Variants in MED21 observed in about 807,000 individuals in gnomAD.
MED21 encodes the protein mediator complex subunit 21, also known as mediator of RNA polymerase II transcription subunit 21.
MED21 carries 9 observed loss-of-function variants against 18.2 expected under a neutral mutation model. The observed-to-expected ratio is 0.49, with a 90% CI of 0.30 to 0.86. MED21 has a LOEUF of 0.86. MED21 is among the 40% of genes least tolerant of loss of function. The probability of loss-of-function intolerance (pLI) is 0.07; values close to 1 mark genes in which losing one functional copy is unlikely to be tolerated. For synonymous variants in MED21, 73 were observed against 60.5 expected, an observed-to-expected ratio of 1.21 and a Z score of -0.96; for missense variants, 150 against 170.9, an observed-to-expected ratio of 0.88 and a Z score of 0.68.
intron 1 of MED21, among the ~76,000 whole-genome samples, chr12:27,024,520 A>G (rs556657119): frequency 6.6e-6 from 1 of 152,150 alleles, no homozygotes; most frequent in Non-Finnish European, 1.5e-5. Context: ...TCAGGGAACT[A>G]CTCCTTTGAG....
chr12:27,027,188 A>G (rs1010717813), intron 2 of MED21, among the ~76,000 whole-genome samples, 159 bp from the exon 3 acceptor site: 1 of 152,190 alleles, frequency 6.6e-6, no homozygotes, highest in Non-Finnish European at 1.5e-5. Context: ...TGGCCTCCCA[A>G]AGTGCTGGGA....
At chr12:27,022,959 CTCTT>C (rs1941492725) in intron 1 of MED21, 1 of 1,126,932 alleles carries the variant, frequency 8.9e-7, no homozygotes, top group Non-Finnish European at 1.1e-6. Context: ...CTTACGGGTT[CTCTT>C]TCTTTTGGGG....
At chr12:27,023,219 C>T (rs1388234867) in intron 1 of MED21, among the ~76,000 whole-genome samples, 1 of 151,300 alleles carries the variant, frequency 6.6e-6, no homozygotes, top group African/African-American at 2.4e-5. Context: ...CCTCAGAATA[C>T]ATCAGTTTGG....
At position 27,023,047 on chromosome 12, in the gene MED21, A is replaced by G. The variant is rs1448653108; in HGVS notation, c.42+426A>G. Among the ~76,000 whole-genome samples, 4 of 151,932 alleles carry G rather than the reference A, an allele frequency of 2.6e-5. No individual in the cohort carries two copies. In the South Asian group the frequency reaches 6.2e-4, roughly 24 times the overall value. Reference sequence around the variant, plus strand: ...CACCAAGGGAGATCTCATGCTCTGGATGACTGGGTTTTTGTAATGAAATGT... The same window carrying G: ...CACCAAGGGAGATCTCATGCTCTGGGTGACTGGGTTTTTGTAATGAAATGT... On this transcript the variant is annotated intron_variant, in intron 1 of 3. Transcript: ENST00000282892.
intron 2 of MED21, chr12:27,037,242 G>A (rs1254424347): frequency 1.3e-5 from 2 of 151,410 alleles, no homozygotes; most frequent in Non-Finnish European, 3.0e-5. Context: ...CTCTCTGTTT[G>A]TCTGTTATCG....
Position 27,028,519 on chromosome 12 carries a change from G to A in MED21, c.*58G>A, listed in dbSNP as rs567433509. On this transcript the variant is annotated 3_prime_UTR_variant, in exon 4 of 4. Transcript: ENST00000282892. The stretch of plus-strand genomic sequence containing the variant: ...CTGTTTGAGTGCCATTAAGAATTCT[G>A]CATCAGACTTAGATACAAGCCTTAC... 1 of 1,563,582 alleles carries A rather than the reference G, an allele frequency of 6.4e-7. No homozygotes were observed. Among genetic ancestry groups the A allele is most frequent in the Non-Finnish European group, 8.7e-7 (1 of 1,150,086 alleles).
At chr12:27,036,982 C>G (rs1477151091) in intron 2 of MED21, 1 of 152,124 alleles carries the variant, frequency 6.6e-6, no homozygotes, top group Non-Finnish European at 1.5e-5. Context: ...TGAAGAAAGG[C>G]ATTGGTAGCT....
At chr12:27,027,875 G>T (rs1036326235) in intron 3 of MED21, among the ~76,000 whole-genome samples, 1 of 152,116 alleles carries the variant, frequency 6.6e-6, no homozygotes, top group East Asian at 1.9e-4. Context: ...TCACATTGGG[G>T]ATTAGATTTT....
chr12:27,032,344 T>C (rs550410408), downstream of MED21, among the ~76,000 whole-genome samples: 2 of 152,340 alleles, frequency 1.3e-5, no homozygotes, highest in South Asian at 4.1e-4. Flanking sequence ...ACTTGGTAGC[T>C]AAGACCCTTC....
chr12:27,022,808 T>C, intron 1 of MED21, 187 bp downstream of exon 1: 1 of 1,512,758 alleles, frequency 6.6e-7, no homozygotes, highest in Non-Finnish European at 8.8e-7. Flanking sequence ...CGGGCGGTGC[T>C]TGAAGGTGCG....
At chr12:27,030,888 C>T (rs144822097), downstream of MED21, 1,825 of 152,318 alleles carry the variant, frequency 0.012, 16 homozygotes, top group Middle Eastern at 0.048. Context: ...TCCTAACTCC[C>T]GTCATCTTCA....
chr12:27,029,838 TA>T lies in MED21; in HGVS notation c.*1380del. On this transcript the variant is annotated 3_prime_UTR_variant, in exon 4 of 4. Transcript: ENST00000282892. Reference sequence around the variant, plus strand: ...ACTTATTCAAAGTACCTAAGTATTATAAAGGAGTCAAAAAGGTACAAAGAGA... The same window carrying T: ...ACTTATTCAAAGTACCTAAGTATTATAAGGAGTCAAAAAGGTACAAAGAGA... 1.0e-6 allele frequency: 1 copy of T among 1,004,556 alleles called. No homozygotes were observed. Among genetic ancestry groups the T allele is most frequent in the Non-Finnish European group, 1.2e-6 (1 of 840,470 alleles). 62.2% of individuals were successfully genotyped at this position (1,004,556 alleles called of 1,614,324 possible). A position where few individuals can be genotyped will look rare whatever the true frequency, so the allele number is the denominator to read the frequency against.
At chr12:27,033,599 C>G (rs1941632599), downstream of MED21, among the ~76,000 whole-genome samples, 1 of 152,172 alleles carries the variant, frequency 6.6e-6, no homozygotes, top group Non-Finnish European at 1.5e-5. Flanking sequence ...CATGGACTCT[C>G]ATTGATAGCC....
At chr12:27,034,538 C>T (rs371978765), downstream of MED21, among the ~76,000 whole-genome samples, 1 of 152,196 alleles carries the variant, frequency 6.6e-6, no homozygotes, top group African/African-American at 2.4e-5. Context: ...TGTTGACCTC[C>T]TGGGCTCAAG....
chr12:27,029,746 T>C lies in MED21; in HGVS notation c.*1285T>C. On this transcript the variant is annotated 3_prime_UTR_variant, in exon 4 of 4. Coordinates refer to ENST00000282892, the MANE Select transcript of MED21 (RefSeq NM_004264.5). ...GATGTTTATTAAAAACACTTTGCTA[T>C]CAGATATTTGGCATAAATCTGTACT... 1.0e-6 allele frequency: 1 copy of C among 983,974 alleles called. No homozygotes were observed. The highest frequency in any genetic ancestry group is 1.7e-5 in the African/African-American group (1 of 57,328). 61.0% of individuals were successfully genotyped at this position (983,974 alleles called of 1,614,324 possible). A position where few individuals can be genotyped will look rare whatever the true frequency, so the allele number is the denominator to read the frequency against.
At chr12:27,032,023 G>A (rs568526676), downstream of MED21, among the ~76,000 whole-genome samples, 1 of 152,290 alleles carries the variant, frequency 6.6e-6, no homozygotes, top group African/African-American at 2.4e-5. Context: ...AGCTTTGAGA[G>A]GACCAAAAAC....
intron 1 of MED21, chr12:27,022,869 C>G (rs193160874): frequency 4.2e-6 from 6 of 1,416,454 alleles, no homozygotes; most frequent in South Asian, 1.3e-5. Context: ...CGTTCTTGTC[C>G]GGGTGAGGCC....
intron 1 of MED21, 93 bp downstream of exon 1, chr12:27,022,714 G>A (rs1941487458): frequency 4.4e-6 from 7 of 1,604,230 alleles, no homozygotes; most frequent in Non-Finnish European, 5.9e-6. Context: ...TTGAAAGTGG[G>A]GAGCGGACTG....
At chr12:27,026,343 T>G in intron 1 of MED21, 77 bp from the exon 2 acceptor site, 1 of 807,430 alleles carries the variant, frequency 1.2e-6, no homozygotes, top group East Asian at 2.6e-5. Context: ...CAGAAACTTA[T>G]TGTTGTTGCC....
Sources: allele counts gnomAD v4.1 joint callset (sites outside exome capture counted in the v4.1 genomes callset), GRCh38; gene constraint gnomAD v4.1.1; transcripts MANE v1.5; gene names NCBI Gene and HGNC (gene_info 2026-07-23, HGNC 2026-07-21).